Variants in EPS15 observed in about 807,000 individuals in gnomAD.
The protein encoded by EPS15 is epidermal growth factor receptor pathway substrate 15, also known as epidermal growth factor receptor substrate 15.
A neutral mutation model predicts 113.8 loss-of-function variants in EPS15; 72 were observed. The ratio of observed to expected loss-of-function variants is 0.63; its 90% CI spans 0.52 to 0.77. The LOEUF (loss-of-function observed/expected upper bound fraction) is 0.77, where lower values mean the gene tolerates loss of function less well. EPS15 is among the 30% of genes least tolerant of loss of function. The probability of loss-of-function intolerance (pLI) is 0.00; values close to 1 mark genes in which losing one functional copy is unlikely to be tolerated. For missense variants in EPS15, 1,048 were observed against 1,045.8 expected, an observed-to-expected ratio of 1.00 and a Z score of -0.03; for synonymous variants, 344 against 363.4, an observed-to-expected ratio of 0.95 and a Z score of 0.61.
chr1:51,518,542 G>A (rs1465034876), intron 1 of EPS15: 3 of 152,880 alleles, frequency 2.0e-5, no homozygotes, highest in Admixed American at 1.3e-4. Flanking sequence ...ATCAGGAGGG[G>A]GGAGAGGCTG....
chr1:51,478,860 G>C (rs777002337), intron 2 of EPS15, among the ~76,000 whole-genome samples: 5 of 152,044 alleles, frequency 3.3e-5, no homozygotes, highest in South Asian at 2.1e-4. Flanking sequence ...TGTGGGTAAC[G>C]CGACCTTTCT....
In EPS15 at chr1:51,481,270, T is replaced by C. The variant is rs200563614; in HGVS notation, c.75+3A>G. The C allele has an allele frequency of 2.2e-6, 3 of 1,361,210 alleles. No individual in the cohort carries two copies. The highest frequency in any genetic ancestry group is 2.3e-5 in the East Asian group (1 of 43,410). The allele number at this position is 1,361,210 out of a possible 1,614,324, so 84.3% of individuals were successfully genotyped here. On this transcript the variant is annotated splice_donor_region_variant and intron_variant, in intron 2 of 24. Coordinates refer to ENST00000371733, the MANE Select transcript of EPS15 (RefSeq NM_001981.3). ...CAGGCAAACAATGAAACAAAAATCT[T>C]ACCTGTCTATAGTATTTTTCATATA...
intron 21 of EPS15, among the ~76,000 whole-genome samples, chr1:51,390,626 A>G (rs1421888508): frequency 1.3e-5 from 2 of 152,060 alleles, no homozygotes; most frequent in East Asian, 3.8e-4. Flanking sequence ...CAAGAAAAAA[A>G]AAACAACCCC....
chr1:51,402,475 A>T lies in EPS15; in HGVS notation c.1842T>A (p.Asp614Glu). 1 of 1,592,202 alleles carries T rather than the reference A, an allele frequency of 6.3e-7. No homozygotes were observed. The highest frequency in any genetic ancestry group is 8.6e-7 in the Non-Finnish European group (1 of 1,166,254). Residue 614 changes from aspartate to glutamate, a missense_variant, in exon 18 of 25, where the codon GAT becomes GAA. Coordinates refer to ENST00000371733, the MANE Select transcript of EPS15 (RefSeq NM_001981.3). Reference protein sequence around the residue: ...DSSSLTGPVADTNLDFFQSDP... With the variant: ...DSSSLTGPVAETNLDFFQSDP... ...CAGACTGGAAAAAATCCAAGTTTGT[A>T]TCTGCAACTGGACCTGTCAGCGAAC...
intron 1 of EPS15, among the ~76,000 whole-genome samples, chr1:51,502,534 G>C (rs527889705): frequency 6.6e-6 from 1 of 152,178 alleles, no homozygotes; most frequent in South Asian, 2.1e-4. Context: ...TAGATTGGGG[G>C]AGGAAGTAAA....
At chr1:51,514,481 C>A (rs1165491453) in intron 1 of EPS15, among the ~76,000 whole-genome samples, 1 of 152,060 alleles carries the variant, frequency 6.6e-6, no homozygotes, top group Non-Finnish European at 1.5e-5. Flanking sequence ...TTTTCTGCTC[C>A]CAATTTTATT....
intron 4 of EPS15, among the ~76,000 whole-genome samples, chr1:51,470,462 T>G (rs113464508): frequency 6.6e-6 from 1 of 151,692 alleles, no homozygotes; most frequent in African/African-American, 2.4e-5. Flanking sequence ...CTGGCCAATA[T>G]AGTGAAACCC....
intron 13 of EPS15, 117 bp downstream of exon 13, chr1:51,421,668 TA>T: frequency 2.0e-6 from 1 of 498,604 alleles, no homozygotes; most frequent in Non-Finnish European, 3.4e-6. Flanking sequence ...TTATATAATA[TA>T]AACATTAGGC....
intron 21 of EPS15, 51 bp downstream of exon 21, chr1:51,394,330 T>C (rs1278697930): frequency 2.6e-6 from 3 of 1,169,826 alleles, no homozygotes; most frequent in Non-Finnish European, 3.7e-6. Flanking sequence ...GAAAAAAGAA[T>C]CTTAAAAAAA....
chr1:51,416,262 C>T (rs924740912), intron 13 of EPS15, among the ~76,000 whole-genome samples: 3 of 152,084 alleles, frequency 2.0e-5, no homozygotes, highest in East Asian at 1.9e-4. Context: ...AATGCCATTC[C>T]CTCCAGTGAA....
intron 2 of EPS15, among the ~76,000 whole-genome samples, chr1:51,475,342 T>C (rs1181808659): frequency 6.7e-6 from 1 of 149,484 alleles, no homozygotes; most frequent in Non-Finnish European, 1.5e-5. Context: ...CTCTAACATC[T>C]GTTTCCTGAC....
intron 1 of EPS15, among the ~76,000 whole-genome samples, chr1:51,487,433 A>T (rs1407354749): frequency 6.6e-6 from 1 of 152,154 alleles, no homozygotes; most frequent in Non-Finnish European, 1.5e-5. Flanking sequence ...TAATGGTTGA[A>T]AAAAGTAAAT....
In EPS15 at chr1:51,361,216, A is replaced by C; in HGVS notation, c.2499T>G (p.Thr833=). The C allele has an allele frequency of 6.2e-7, 1 of 1,614,064 alleles. No homozygotes were observed. The highest frequency in any genetic ancestry group is 1.7e-5 in the Admixed American group (1 of 60,026). The change falls in exon 24 of 25, where the codon ACT becomes ACG. Residue 833 remains threonine, a synonymous_variant. Coordinates refer to ENST00000371733, the MANE Select transcript of EPS15 (RefSeq NM_001981.3). ...FCDPFTSATT[T]TNKEADPSNF... ...TGCTTGGATCAGCCTCTTTATTGGTAGTGGTAGTAGCAGAAGTGAATGGAT... is the reference window on the plus strand; with the variant it reads ...TGCTTGGATCAGCCTCTTTATTGGTCGTGGTAGTAGCAGAAGTGAATGGAT...
At chr1:51,371,511 T>TAA (rs1388516313) in intron 21 of EPS15, among the ~76,000 whole-genome samples, 24 of 128,544 alleles carry the variant, frequency 1.9e-4, no homozygotes, top group Middle Eastern at 4.0e-3. Context: ...GTTTAAAAGT[T>TAA]AAAAAAAAAA....
chr1:51,468,380 G>C, intron 5 of EPS15, 93 bp downstream of exon 5: 1 of 938,540 alleles, frequency 1.1e-6, no homozygotes. Context: ...GCCAAAGGGA[G>C]AATTCCTTTT....
chr1:51,497,337 A>T (rs1398226369), intron 1 of EPS15, among the ~76,000 whole-genome samples: 1 of 152,234 alleles, frequency 6.6e-6, no homozygotes, highest in African/African-American at 2.4e-5. Context: ...GTTATACTAA[A>T]ATTGAGGGGA....
intron 11 of EPS15, 148 bp from the exon 12 acceptor site, chr1:51,440,580 G>C: frequency 2.7e-6 from 1 of 372,428 alleles, no homozygotes. Context: ...ATCATATCTA[G>C]TACAATTATA....
At chr1:51,449,779 T>C (rs1272832282) in intron 8 of EPS15, among the ~76,000 whole-genome samples, 2 of 151,510 alleles carry the variant, frequency 1.3e-5, no homozygotes, top group Non-Finnish European at 2.9e-5. Flanking sequence ...AGGCAATGGG[T>C]GCTTGCTGCT....
chr1:51,357,376 G>GAA (rs56655497), intron 24 of EPS15, among the ~76,000 whole-genome samples: 456 of 33,044 alleles, frequency 0.014, 19 homozygotes, highest in Admixed American at 0.017. Flanking sequence ...GATTCCATCT[G>GAA]AAAAAAAAAA....
Sources: allele counts gnomAD v4.1 joint callset (sites outside exome capture counted in the v4.1 genomes callset), GRCh38; gene constraint gnomAD v4.1.1; transcripts MANE v1.5; gene names NCBI Gene and HGNC (gene_info 2026-07-23, HGNC 2026-07-21).